The following NPEPPS variants were observed in gnomAD, a reference collection of about 807,000 sequenced individuals.
The protein encoded by NPEPPS is puromycin-sensitive aminopeptidase.
NPEPPS carries 14 observed loss-of-function variants against 115.5 expected under a neutral mutation model. The observed-to-expected ratio is 0.12, with a 90% CI of 0.08 to 0.19. The LOEUF is 0.19. NPEPPS is among the 10% of genes least tolerant of loss of function. The pLI is 1.00. For synonymous variants in NPEPPS, 285 were observed against 390.6 expected (o/e 0.73, Z 3.19); for missense variants, 523 against 1,110.8 (o/e 0.47, Z 7.52).
At chr17:47,542,968 C>CATT (rs1567837866) in intron 1 of NPEPPS, among the ~76,000 whole-genome samples, 1 of 151,808 alleles carries the variant, frequency 6.6e-6, no homozygotes, top group Non-Finnish European at 1.5e-5. Flanking sequence ...GAAACCCCAT[C>CATT]TCTACTAAAA....
intron 2 of NPEPPS, among the ~76,000 whole-genome samples, chr17:47,546,421 G>GA (rs1393853227): frequency 6.6e-6 from 1 of 151,448 alleles, no homozygotes; most frequent in African/African-American, 2.4e-5. Flanking sequence ...GTGAGACCCT[G>GA]ACTCAAAAAA....
In NPEPPS at chr17:47,619,378, A is replaced by C. The variant is rs1914402639; in HGVS notation, c.2559+214A>C. ...AGACTATCCTGGCCAACATGGTGAA[A>C]TCCTGTCCCTACTAAAAATACAAAA... On this transcript the variant is annotated intron_variant, in intron 21 of 22. Coordinates refer to ENST00000322157, the MANE Select transcript of NPEPPS (RefSeq NM_006310.4). 5.3e-6 allele frequency: 3 copies of C among 563,348 alleles called. No homozygotes were observed. In the East Asian group the frequency reaches 9.5e-5, roughly 18 times the overall value. 34.9% of individuals were successfully genotyped at this position (563,348 alleles called of 1,614,324 possible).
At chr17:47,600,544 T>C (rs1285863508) in intron 14 of NPEPPS, among the ~76,000 whole-genome samples, 2 of 152,244 alleles carry the variant, frequency 1.3e-5, no homozygotes, top group Non-Finnish European at 2.9e-5. Context: ...CACATTGTAG[T>C]ACTGACAGGT....
Position 47,592,553 on chromosome 17 carries a change from C to G in NPEPPS, c.1426+8C>G. ...AAAAGAATGCTGCCACAGGTAATCT[C>G]TAATAGCTTGAGATAGAAATGGAGA... On this transcript the variant is annotated splice_region_variant and intron_variant, in intron 12 of 22. Coordinates refer to ENST00000322157, the MANE Select transcript of NPEPPS (RefSeq NM_006310.4). 6.3e-7 allele frequency: 1 copy of G among 1,588,434 alleles called. No individual in the cohort carries two copies. Among genetic ancestry groups the G allele is most frequent in the African/African-American group, 1.3e-5 (1 of 74,552 alleles).
intron 2 of NPEPPS, among the ~76,000 whole-genome samples, chr17:47,558,362 C>G (rs1910199023): frequency 6.6e-6 from 1 of 151,246 alleles, no homozygotes; most frequent in African/African-American, 2.4e-5. Context: ...CTCCTGACCT[C>G]AAGTGATCCA....
chr17:47,542,690 T>C (rs5026411), intron 1 of NPEPPS, among the ~76,000 whole-genome samples: 1 of 152,182 alleles, frequency 6.6e-6, no homozygotes, highest in Admixed American at 6.6e-5. Context: ...TGGCTTGCTA[T>C]ACTTACCTGC....
At chr17:47,595,827 C>T (rs1334049249) in intron 12 of NPEPPS, among the ~76,000 whole-genome samples, 1 of 151,796 alleles carries the variant, frequency 6.6e-6, no homozygotes, top group Non-Finnish European at 1.5e-5. Flanking sequence ...ACTAAAAATA[C>T]AAAAATTAGC....
At chr17:47,612,333 A>T in intron 17 of NPEPPS, 127 bp from the exon 18 acceptor site, 1 of 836,266 alleles carries the variant, frequency 1.2e-6, no homozygotes, top group Non-Finnish European at 1.8e-6. Context: ...CTCAGGTATT[A>T]AGTTAATTGA....
intron 2 of NPEPPS, among the ~76,000 whole-genome samples, chr17:47,568,144 A>G (rs1277140401): frequency 6.7e-6 from 1 of 149,722 alleles, no homozygotes; most frequent in African/African-American, 2.5e-5. Flanking sequence ...GTTTCTCTAC[A>G]TCCTACCTTA....
At chr17:47,612,335 G>GT in intron 17 of NPEPPS, 125 bp from the exon 18 acceptor site, 1 of 882,404 alleles carries the variant, frequency 1.1e-6, no homozygotes, top group Non-Finnish European at 1.7e-6. Context: ...CAGGTATTAA[G>GT]TTAATTGAGT....
chr17:47,528,865 AC>A (rs1907542423), upstream of NPEPPS, among the ~76,000 whole-genome samples: 2 of 151,712 alleles, frequency 1.3e-5, no homozygotes, highest in African/African-American at 4.8e-5. Flanking sequence ...TGAACTCCTG[AC>A]CTCAGGTTAT....
At chr17:47,542,080 A>C (rs1176420126) in intron 1 of NPEPPS, among the ~76,000 whole-genome samples, 1 of 151,932 alleles carries the variant, frequency 6.6e-6, no homozygotes, top group Non-Finnish European at 1.5e-5. Context: ...ATATCGTACT[A>C]CTCTGATGTT....
chr17:47,543,870 A>G (rs1379847333), intron 1 of NPEPPS, among the ~76,000 whole-genome samples: 1 of 145,454 alleles, frequency 6.9e-6, no homozygotes, highest in African/African-American at 2.5e-5. Context: ...CCAAGATGCT[A>G]GTTTGTTTGT....
chr17:47,555,902 T>C (rs1468706197), intron 2 of NPEPPS, among the ~76,000 whole-genome samples: 1 of 151,728 alleles, frequency 6.6e-6, no homozygotes. Flanking sequence ...AGCTCTGCTA[T>C]AGTTTCAAGT....
rs1363401900 is a variant in NPEPPS, at chr17:47,591,969, A to T, written c.1274A>T (p.His425Leu). 1 of 1,214,408 alleles carries T rather than the reference A, an allele frequency of 8.2e-7. No individual in the cohort carries two copies. The allele number at this position is 1,214,408 out of a possible 1,614,324, so 75.2% of individuals were successfully genotyped here. A position where few individuals can be genotyped will look rare whatever the true frequency, so the allele number is the denominator to read the frequency against. Residue 425 changes from histidine (H) to leucine (L), a missense_variant, in exon 11 of 23, where the codon CAT becomes CTT. Transcript: ENST00000322157. ...NSHPIEVSVG[H>L]PSEVDEIFDA... is the part of the protein sequence containing the mutation. ...ACTGTCTGCCAGGTCAGTGTGGGCCATCCATCTGAGGTTGATGAGATATTT... is the reference window on the plus strand; with the variant it reads ...ACTGTCTGCCAGGTCAGTGTGGGCCTTCCATCTGAGGTTGATGAGATATTT...
intron 19 of NPEPPS, among the ~76,000 whole-genome samples, chr17:47,615,697 T>C (rs1468715146): frequency 6.6e-6 from 1 of 152,188 alleles, no homozygotes; most frequent in African/African-American, 2.4e-5. Context: ...TTCCATCTAT[T>C]CCATGATGAT....
chr17:47,562,394 G>A (rs1910487170), intron 2 of NPEPPS, among the ~76,000 whole-genome samples: 1 of 152,200 alleles, frequency 6.6e-6, no homozygotes, highest in Non-Finnish European at 1.5e-5. Context: ...ATCGTCTGCA[G>A]AACTGATTGC....
chr17:47,558,681 G>A (rs1910224741), intron 2 of NPEPPS, among the ~76,000 whole-genome samples: 1 of 152,156 alleles, frequency 6.6e-6, no homozygotes, highest in African/African-American at 2.4e-5. Context: ...TGCCTGCTTT[G>A]GCCTGAAGTG....
chr17:47,529,737 TTA>T (rs56043348), upstream of NPEPPS, among the ~76,000 whole-genome samples: 940 of 25,644 alleles, frequency 0.037, 136 homozygotes, highest in East Asian at 0.087. Flanking sequence ...TTCAGTTACA[TTA>T]TATATATATA....
Sources: allele counts gnomAD v4.1 joint callset (sites outside exome capture counted in the v4.1 genomes callset), GRCh38; gene constraint gnomAD v4.1.1; transcripts MANE v1.5; gene names NCBI Gene and HGNC (gene_info 2026-07-23, HGNC 2026-07-21).